The following MAML3 variants were observed in gnomAD, a reference collection of about 807,000 sequenced individuals.
MAML3 encodes mastermind like transcriptional coactivator 3.
MAML3 carries 27 observed loss-of-function variants against 101.9 expected under a neutral mutation model. The ratio of observed to expected loss-of-function variants is 0.27; its 90% confidence interval spans 0.20 to 0.37. The LOEUF is 0.37. Among genes scored for constraint, MAML3 ranks in the 10% least tolerant of loss-of-function variants. The pLI, the probability that MAML3 is intolerant of heterozygous loss-of-function variation, is 1.00. For missense variants in MAML3, 1,316 were observed against 1,444.9 expected, an observed-to-expected ratio of 0.91 and a Z score of 1.45; for synonymous variants, 501 against 555.9, an observed-to-expected ratio of 0.90 and a Z score of 1.39.
At chr4:139,786,099 T>C (rs889438994) in intron 2 of MAML3, among the ~76,000 whole-genome samples, 1 of 151,738 alleles carries the variant, frequency 6.6e-6, no homozygotes, top group African/African-American at 2.4e-5. Flanking sequence ...GAAGAGGAAA[T>C]TTGGACACAG....
At chr4:140,057,700 G>T (rs747684409) in intron 1 of MAML3, among the ~76,000 whole-genome samples, 5 of 152,036 alleles carry the variant, frequency 3.3e-5, no homozygotes, top group Non-Finnish European at 5.9e-5. Context: ...CTTTGGGTTG[G>T]GGAGGTATTA....
At chr4:139,862,889 C>A (rs1454314784) in intron 2 of MAML3, among the ~76,000 whole-genome samples, 1 of 152,174 alleles carries the variant, frequency 6.6e-6, no homozygotes, top group African/African-American at 2.4e-5. Flanking sequence ...GGACCCTTCT[C>A]AGGCTGTCAA....
chr4:140,051,730 CT>C (rs1411195429), intron 1 of MAML3, among the ~76,000 whole-genome samples: 1 of 152,078 alleles, frequency 6.6e-6, no homozygotes, highest in Non-Finnish European at 1.5e-5. Context: ...AAATATTTTG[CT>C]TTTTATTCCC....
chr4:140,125,427 T>C (rs573666545), intron 1 of MAML3, among the ~76,000 whole-genome samples: 1 of 144,546 alleles, frequency 6.9e-6, no homozygotes, highest in Non-Finnish European at 1.5e-5. Context: ...TCACTTTTAA[T>C]TTAAAAACTT....
intron 1 of MAML3, among the ~76,000 whole-genome samples, chr4:140,074,166 GGAAA>G (rs1251352235): frequency 3.0e-4 from 14 of 46,514 alleles, no homozygotes; most frequent in Non-Finnish European, 5.6e-4. Context: ...GAGAGAGAAA[GGAAA>G]GAAAGAAAGA....
At chr4:140,118,812 T>C (rs1728555837) in intron 1 of MAML3, among the ~76,000 whole-genome samples, 1 of 152,130 alleles carries the variant, frequency 6.6e-6, no homozygotes, top group African/African-American at 2.4e-5. Flanking sequence ...ATTGCAAAAA[T>C]AACATGCGTA....
intron 1 of MAML3, among the ~76,000 whole-genome samples, chr4:140,001,482 G>A (rs959187735): frequency 6.6e-6 from 1 of 152,158 alleles, no homozygotes; most frequent in African/African-American, 2.4e-5. Flanking sequence ...AGTTGTTGGG[G>A]TCGGCACAGA....
chr4:139,820,509 A>C (rs923569177), intron 2 of MAML3, among the ~76,000 whole-genome samples: 3 of 152,206 alleles, frequency 2.0e-5, no homozygotes, highest in Admixed American at 2.0e-4. Flanking sequence ...GTTTACGGGA[A>C]TGAAGACTTA....
intron 1 of MAML3, among the ~76,000 whole-genome samples, chr4:140,043,028 A>T (rs912310985): frequency 4.0e-5 from 6 of 151,478 alleles, no homozygotes; most frequent in South Asian, 2.1e-4. Flanking sequence ...ATTTTTTTTA[A>T]AAAAACAAAA....
intron 1 of MAML3, among the ~76,000 whole-genome samples, chr4:140,074,219 A>AGAGAGAGAGAGAAAGAAAG (rs1560885544): frequency 5.9e-4 from 34 of 57,226 alleles, no homozygotes; most frequent in Non-Finnish European, 1.3e-3. Flanking sequence ...GAAAGAAAGA[A>AGAGAGAGAGAGAAAGAAAG]AGAAAGAAAG....
At chr4:140,042,921 T>A (rs1179852496) in intron 1 of MAML3, among the ~76,000 whole-genome samples, 1 of 152,168 alleles carries the variant, frequency 6.6e-6, no homozygotes, top group African/African-American at 2.4e-5. Context: ...GTGAGTCTCA[T>A]AATTCAAGTC....
chr4:139,743,152 A>C (rs1579383625), intron 2 of MAML3, among the ~76,000 whole-genome samples: 1 of 152,352 alleles, frequency 6.6e-6, no homozygotes, highest in East Asian at 1.9e-4. Flanking sequence ...ACCACGATTC[A>C]CATATACACG....
At chr4:140,015,737 C>T (rs546908206) in intron 1 of MAML3, among the ~76,000 whole-genome samples, 32 of 152,200 alleles carry the variant, frequency 2.1e-4, no homozygotes, top group African/African-American at 4.8e-4. Context: ...GTGGATCACT[C>T]GGGGTTAGGA....
chr4:140,072,577 G>A (rs926168394), intron 1 of MAML3, among the ~76,000 whole-genome samples: 1 of 151,922 alleles, frequency 6.6e-6, no homozygotes, highest in Non-Finnish European at 1.5e-5. Flanking sequence ...GGCTGAGGCA[G>A]GAGAATCGCT....
At chr4:140,114,102 T>G (rs1233319730) in intron 1 of MAML3, among the ~76,000 whole-genome samples, 1 of 152,184 alleles carries the variant, frequency 6.6e-6, no homozygotes, top group Non-Finnish European at 1.5e-5. Context: ...GCAGATCAGA[T>G]GCCAACTCCC....
In MAML3 at chr4:139,753,357, T is replaced by TATC. The variant is rs1274301994; in HGVS notation, c.2080-22693_2080-22691dup. Among the ~76,000 whole-genome samples the TATC allele has an allele frequency of 2.6e-5, 4 of 151,456 alleles. No homozygotes were observed. In the East Asian group the frequency reaches 7.8e-4, roughly 29 times the overall value. On this transcript the variant is annotated intron_variant, in intron 2 of 4. Coordinates refer to ENST00000509479, the MANE Select transcript of MAML3 (RefSeq NM_018717.5). ...TTTCTTTTTAATCTATCTATCTATCTATCTATCTATCTATCTATCTATCTA... is the reference window on the plus strand; with the variant it reads ...TTTCTTTTTAATCTATCTATCTATCTATCATCTATCTATCTATCTATCTATCTA...
intron 2 of MAML3, among the ~76,000 whole-genome samples, chr4:139,821,903 T>C (rs1730979840): frequency 6.6e-6 from 1 of 152,230 alleles, no homozygotes; most frequent in South Asian, 2.1e-4. Context: ...AACTACTTAC[T>C]TTTTTAAATG....
intron 1 of MAML3, among the ~76,000 whole-genome samples, chr4:140,069,774 A>G (rs1478445460): frequency 6.6e-6 from 1 of 152,066 alleles, no homozygotes; most frequent in Non-Finnish European, 1.5e-5. Flanking sequence ...AATAGAATAC[A>G]TAGTAAAATC....
chr4:140,123,790 G>A (rs549973636), intron 1 of MAML3, among the ~76,000 whole-genome samples: 15 of 152,252 alleles, frequency 9.9e-5, no homozygotes, highest in African/African-American at 3.4e-4. Flanking sequence ...CATAGACTCT[G>A]AATAATAAAA....
Sources: gnomAD v4.1 joint callset for allele counts (sites outside exome capture counted in the v4.1 genomes callset) on GRCh38, gnomAD v4.1.1 for gene constraint, MANE v1.5 for transcripts, NCBI Gene and HGNC (gene_info 2026-07-23, HGNC 2026-07-21) for gene names.